Variants in FBXL22 observed in about 807,000 individuals in gnomAD.
The protein encoded by FBXL22 is F-box and leucine-rich protein 22.
FBXL22 carries 13 observed loss-of-function variants against 11.7 expected under a neutral mutation model. That is an observed-to-expected ratio of 1.11 (90% confidence interval 0.73 to 1.77). The LOEUF is 1.77. FBXL22 is among the 40% of genes most tolerant of loss of function. The probability of loss-of-function intolerance (pLI) is 0.00; values close to 1 mark genes in which losing one functional copy is unlikely to be tolerated. For synonymous variants in FBXL22, 160 were observed against 144.1 expected (o/e 1.11, Z -0.79); for missense variants, 406 against 320.4 (o/e 1.27, Z -2.04).
chr15:63,605,546 G>A (rs913972997), downstream of FBXL22, among the ~76,000 whole-genome samples: 1 of 152,182 alleles, frequency 6.6e-6, no homozygotes, highest in African/African-American at 2.4e-5. Flanking sequence ...AACCGTTAAG[G>A]AGAATATTTC....
rs1473177618 is a variant in FBXL22, at chr15:63,600,915, G to C, written c.572G>C (p.Arg191Pro). 1.9e-5 allele frequency: 23 copies of C among 1,215,518 alleles called. No homozygotes were observed. Among genetic ancestry groups the C allele is most frequent in the Non-Finnish European group, 2.3e-5 (22 of 977,524 alleles). The allele number at this position is 1,215,518 out of a possible 1,614,324, so 75.3% of individuals were successfully genotyped here. Residue 191 changes from arginine (R) to proline (P), a missense_variant, in exon 2 of 2, where the codon CGC becomes CCC. Coordinates refer to ENST00000638704, the MANE Select transcript of FBXL22 (RefSeq NM_001367807.1). ...FCRNVSAAGL[R>P]RLRAACPRLA... ...CGCAACGTGAGCGCGGCCGGCCTGC[G>C]CCGCCTGCGCGCCGCGTGCCCGCGC... is the stretch of plus-strand genomic sequence containing the variant.
chr15:63,608,217 G>C, the FBXL22 span, among the ~76,000 whole-genome samples: 1 of 152,090 alleles, frequency 6.6e-6, no homozygotes, highest in East Asian at 1.9e-4. Flanking sequence ...TGTCTTTGTA[G>C]GTTCTTCATA....
chr15:63,607,447 C>A, the FBXL22 span, among the ~76,000 whole-genome samples: 1 of 152,234 alleles, frequency 6.6e-6, no homozygotes, highest in African/African-American at 2.4e-5. Context: ...GCTCTTAGAT[C>A]GGTATTAAAG....
chr15:63,605,922 T>C (rs1236365125), downstream of FBXL22, among the ~76,000 whole-genome samples: 1 of 152,184 alleles, frequency 6.6e-6, no homozygotes, highest in Non-Finnish European at 1.5e-5. Context: ...CACAGGCTCT[T>C]AGGTCAGGGT....
Position 63,600,790 on chromosome 15 carries a change from C to A in FBXL22, c.447C>A (p.Arg149=). Residue 149 remains arginine, a synonymous_variant, in exon 2 of 2, where the codon CGC becomes CGA. Coordinates refer to ENST00000638704, the MANE Select transcript of FBXL22 (RefSeq NM_001367807.1). Reference sequence around the variant, plus strand: ...TGCTGCGCTGCTGCCCACGCCTGCGCGCACTGCGCCTGGAGAACTGCGCGC... The same window carrying A: ...TGCTGCGCTGCTGCCCACGCCTGCGAGCACTGCGCCTGGAGAACTGCGCGC... ...ARLLRCCPRL[R]ALRLENCARV... 3.2e-6 allele frequency: 4 copies of A among 1,231,220 alleles called. No homozygotes were observed. The highest frequency in any genetic ancestry group is 4.1e-6 in the Non-Finnish European group (4 of 987,586). 76.3% of individuals were successfully genotyped at this position (1,231,220 alleles called of 1,614,324 possible).
At chr15:63,601,914 A>C (rs1246166048), downstream of FBXL22, 3 of 583,716 alleles carry the variant, frequency 5.1e-6, no homozygotes, top group Non-Finnish European at 8.5e-6. Flanking sequence ...TTTGCTGGAC[A>C]TGAGCACAAG....
downstream of FBXL22, among the ~76,000 whole-genome samples, chr15:63,603,519 T>C (rs560005442): frequency 6.6e-6 from 1 of 152,260 alleles, no homozygotes; most frequent in South Asian, 2.1e-4. Context: ...CAGATTAATG[T>C]GAGGAAGAAA....
At chr15:63,601,451 C>A (rs756643049), downstream of FBXL22, 3 of 1,571,828 alleles carry the variant, frequency 1.9e-6, no homozygotes, top group South Asian at 2.3e-5. Flanking sequence ...AGGGCTGCCG[C>A]GCGCAGGGGT....
rs1005813930 is a variant in FBXL22, at chr15:63,599,942, C to G, written c.354-755C>G. The G allele has an allele frequency of 5.1e-6, 5 of 985,446 alleles. No homozygotes were observed. In the African/African-American group the frequency reaches 8.7e-5, roughly 17 times the overall value. The allele number at this position is 985,446 out of a possible 1,614,324, so 61.0% of individuals were successfully genotyped here. On this transcript the variant is annotated intron_variant, in intron 1 of 1. Coordinates refer to ENST00000638704, the MANE Select transcript of FBXL22 (RefSeq NM_001367807.1). ...ATGAAGGCTCCGTGAGTGACTGACA[C>G]GGCGATAAACCAAGTCTAACTTGGC...
At chr15:63,599,752 G>A in intron 1 of FBXL22, 1 of 986,292 alleles carries the variant, frequency 1.0e-6, no homozygotes, top group Non-Finnish European at 1.2e-6. Context: ...GCTCCCTCTG[G>A]CTGCGGGGAG....
At position 63,597,837 on chromosome 15, in the gene FBXL22, G is replaced by A; in HGVS notation, c.353+92G>A. 1 of 1,270,188 alleles carries A rather than the reference G, an allele frequency of 7.9e-7. No individual in the cohort carries two copies. The highest frequency in any genetic ancestry group is 1.1e-6 in the Non-Finnish European group (1 of 938,538). 78.7% of individuals were successfully genotyped at this position (1,270,188 alleles called of 1,614,324 possible). On this transcript the variant is annotated intron_variant, in intron 1 of 1. Coordinates refer to ENST00000638704, the MANE Select transcript of FBXL22 (RefSeq NM_001367807.1). This position sits in a 1 kb window ranked among gnomAD's most constrained non-coding sequence, Gnocchi z 4.3. ...GAAGAGCAAATTACGAGACCAAGAT[G>A]GCTCCACCTTCGGGGCGCCTCAAAC...
intron 1 of FBXL22, chr15:63,599,975 C>A: frequency 1.0e-6 from 1 of 985,756 alleles, no homozygotes; most frequent in Non-Finnish European, 1.2e-6. Flanking sequence ...GGCTCAAGAT[C>A]TTTTCTTTGC....
Position 63,597,812 on chromosome 15 carries a change from G to A in FBXL22, c.353+67G>A. 1.4e-6 allele frequency: 2 copies of A among 1,445,072 alleles called. No individual in the cohort carries two copies. Among genetic ancestry groups the A allele is most frequent in the Non-Finnish European group, 9.2e-7 (1 of 1,083,646 alleles). The allele number at this position is 1,445,072 out of a possible 1,614,324, so 89.5% of individuals were successfully genotyped here. Reference sequence around the variant, plus strand: ...TCTGGCTTCCCTCTTGGGGGGCAGGGAAGAGCAAATTACGAGACCAAGATG... The same window carrying A: ...TCTGGCTTCCCTCTTGGGGGGCAGGAAAGAGCAAATTACGAGACCAAGATG... On this transcript the variant is annotated intron_variant, in intron 1 of 1. Coordinates refer to ENST00000638704, the MANE Select transcript of FBXL22 (RefSeq NM_001367807.1). This position sits in a 1 kb window ranked among gnomAD's most constrained non-coding sequence, Gnocchi z 4.3.
At chr15:63,599,818 T>C (rs914760283) in intron 1 of FBXL22, 1 of 985,804 alleles carries the variant, frequency 1.0e-6, no homozygotes, top group East Asian at 1.1e-4. Flanking sequence ...CTGGTCCCGT[T>C]TGTTTCCAGG....
chr15:63,601,394 C>G (rs1329229892), downstream of FBXL22: 1 of 1,600,708 alleles, frequency 6.2e-7, no homozygotes, highest in South Asian at 1.1e-5. Flanking sequence ...TGGGGAGGAC[C>G]TGACCACTCG....
At chr15:63,601,616 C>T (rs1466504152), downstream of FBXL22, 3 of 1,599,790 alleles carry the variant, frequency 1.9e-6, no homozygotes, top group Admixed American at 1.7e-5. Flanking sequence ...CGAGCCGCTC[C>T]TCCTTGCGGT....
downstream of FBXL22, among the ~76,000 whole-genome samples, chr15:63,603,466 CTTTG>C (rs1184676727): frequency 9.2e-5 from 14 of 152,168 alleles, no homozygotes; most frequent in Non-Finnish European, 7.3e-5. Flanking sequence ...TCTGCACCTG[CTTTG>C]TTTGGTTATG....
downstream of FBXL22, among the ~76,000 whole-genome samples, chr15:63,604,847 G>C (rs560978710): frequency 1.3e-5 from 2 of 152,158 alleles, no homozygotes; most frequent in Non-Finnish European, 2.9e-5. Flanking sequence ...CTGAGGTCAG[G>C]AGTTCAAGAC....
At chr15:63,601,488 C>T (rs746963842), downstream of FBXL22, 103 of 1,551,864 alleles carry the variant, frequency 6.6e-5, no homozygotes, top group Non-Finnish European at 8.9e-5. Flanking sequence ...CGGAGCGACC[C>T]AGCGAGACCC....
Sources: allele counts gnomAD v4.1 joint callset (sites outside exome capture counted in the v4.1 genomes callset), GRCh38; gene constraint gnomAD v4.1.1; non-coding constraint Gnocchi (gnomAD v3.1); transcripts MANE v1.5; gene names NCBI Gene and HGNC (gene_info 2026-07-23, HGNC 2026-07-21).